UQCC1: variants seen among roughly 807,000 people sequenced by gnomAD.
UQCC1 encodes bFGF-repressed Zic-binding protein.
In UQCC1, 38 loss-of-function variants were observed where a neutral mutation model predicts 48.0. The observed-to-expected ratio is 0.79, with a 90% CI of 0.61 to 1.04. The LOEUF (loss-of-function observed/expected upper bound fraction) is 1.04. Ranked by LOEUF, UQCC1 falls within the 50% of genes least tolerant of loss-of-function variation. The pLI, the probability that UQCC1 is intolerant of heterozygous loss-of-function variation, is 0.00. For missense variants in UQCC1, 368 were observed against 381.8 expected (o/e 0.96, Z 0.30); for synonymous variants, 111 against 129.2 (o/e 0.86, Z 0.95).
intron 2 of UQCC1, among the ~76,000 whole-genome samples, chr20:35,392,019 C>T (rs2062019535): frequency 1.3e-5 from 2 of 152,172 alleles, no homozygotes; most frequent in Admixed American, 1.3e-4. Context: ...CAGCACTGGA[C>T]ATTACCTTAC....
In UQCC1 at chr20:35,382,576, G is replaced by C. The variant is rs567191944; in HGVS notation, c.226-551C>G. On this transcript the variant is annotated intron_variant, in intron 3 of 9. Transcript: ENST00000374385. Reference sequence around the variant, plus strand: ...CGCCCAGGCTGGAGTGCAGTGGCGAGATCTCGGCTCACTGCAAGCTCCGCC... The same window carrying C: ...CGCCCAGGCTGGAGTGCAGTGGCGACATCTCGGCTCACTGCAAGCTCCGCC... 1.7e-4 allele frequency among the ~76,000 whole-genome samples: 24 copies of C among 138,700 alleles called. No homozygotes were observed. In the Middle Eastern group the frequency reaches 0.016, roughly 90 times the overall value. 91.0% of individuals were successfully genotyped at this position (138,700 alleles called of 152,430 possible).
chr20:35,343,699 T>C (rs990210159), intron 7 of UQCC1, among the ~76,000 whole-genome samples: 1 of 152,182 alleles, frequency 6.6e-6, no homozygotes, highest in Non-Finnish European at 1.5e-5. Context: ...GGCACTTCTC[T>C]TCATGAAGGC....
At chr20:35,316,361 T>G (rs1452818679) in intron 7 of UQCC1, among the ~76,000 whole-genome samples, 1 of 152,144 alleles carries the variant, frequency 6.6e-6, no homozygotes. Context: ...TGATGCCTTG[T>G]GTCACACAGC....
intron 7 of UQCC1, among the ~76,000 whole-genome samples, chr20:35,322,256 T>C (rs181204536): frequency 4.6e-5 from 7 of 152,172 alleles, no homozygotes; most frequent in South Asian, 2.1e-4. Context: ...CTGGGTACTA[T>C]CTAAAATCCG....
At chr20:35,386,178 T>C in intron 2 of UQCC1, 1 of 349,812 alleles carries the variant, frequency 2.9e-6, no homozygotes, top group Non-Finnish European at 5.5e-6. Context: ...GTTATTTTGT[T>C]AAGTTAGAAT....
At chr20:35,410,704 C>CAAAAAATAAAAAAAAAAAAA (rs2062339810) in intron 1 of UQCC1, among the ~76,000 whole-genome samples, 1 of 2,710 alleles carries the variant, frequency 3.7e-4, no homozygotes, top group Non-Finnish European at 6.5e-4. Flanking sequence ...GACTCTGCCT[C>CAAAAAATAAAAAAAAAAAAA]AAAAAAAAAA....
intron 6 of UQCC1, among the ~76,000 whole-genome samples, chr20:35,354,652 C>T (rs1394090994): frequency 6.6e-6 from 1 of 151,686 alleles, no homozygotes; most frequent in Non-Finnish European, 1.5e-5. Context: ...ACCTTGGCCT[C>T]CCAAAGTGCT....
At chr20:35,363,364 A>G (rs1037618287) in intron 6 of UQCC1, among the ~76,000 whole-genome samples, 1 of 152,172 alleles carries the variant, frequency 6.6e-6, no homozygotes, top group African/African-American at 2.4e-5. Context: ...CTCTCTCAGC[A>G]TTTTTTCAGC....
At chr20:35,332,288 T>C (rs925392037) in intron 7 of UQCC1, among the ~76,000 whole-genome samples, 1 of 152,226 alleles carries the variant, frequency 6.6e-6, no homozygotes, top group African/African-American at 2.4e-5. Flanking sequence ...AAGGTAGGTG[T>C]GTCTTCCAAA....
chr20:35,398,192 T>C (rs1231525494), intron 1 of UQCC1, among the ~76,000 whole-genome samples: 1 of 152,160 alleles, frequency 6.6e-6, no homozygotes, highest in African/African-American at 2.4e-5. Flanking sequence ...TCTAACACTA[T>C]ATGACCTGGT....
intron 6 of UQCC1, among the ~76,000 whole-genome samples, chr20:35,359,378 C>T (rs1301897047): frequency 6.6e-6 from 1 of 152,226 alleles, no homozygotes; most frequent in Non-Finnish European, 1.5e-5. Flanking sequence ...CACCAAGAAC[C>T]TCTTCCTGCT....
chr20:35,324,689 G>T (rs1356242005), intron 7 of UQCC1, among the ~76,000 whole-genome samples: 1 of 152,188 alleles, frequency 6.6e-6, no homozygotes, highest in Non-Finnish European at 1.5e-5. Flanking sequence ...AGAAAAATAA[G>T]TATTGGCAAG....
intron 7 of UQCC1, among the ~76,000 whole-genome samples, chr20:35,324,096 T>C (rs1161292598): frequency 6.6e-6 from 1 of 152,138 alleles, no homozygotes; most frequent in Non-Finnish European, 1.5e-5. Flanking sequence ...TTCTAAAAAA[T>C]AAATAAATAA....
At chr20:35,332,907 A>G (rs528467262) in intron 7 of UQCC1, among the ~76,000 whole-genome samples, 9 of 152,320 alleles carry the variant, frequency 5.9e-5, no homozygotes, top group African/African-American at 1.7e-4. Context: ...TTTCAACCTA[A>G]TAAAACAACA....
intron 2 of UQCC1, among the ~76,000 whole-genome samples, chr20:35,391,207 A>C (rs2062010626): frequency 6.6e-6 from 1 of 152,142 alleles, no homozygotes; most frequent in African/African-American, 2.4e-5. Context: ...AAAATGAATA[A>C]AAAATAAAAG....
intron 4 of UQCC1, among the ~76,000 whole-genome samples, chr20:35,377,784 T>A (rs1361517588): frequency 6.6e-6 from 1 of 152,246 alleles, no homozygotes; most frequent in South Asian, 2.1e-4. Flanking sequence ...AAGGCCCAAG[T>A]CTTTCCTTGA....
At chr20:35,366,476 G>T (rs2146440071) in intron 6 of UQCC1, 81 bp downstream of exon 6, 2 of 1,194,644 alleles carry the variant, frequency 1.7e-6, no homozygotes, top group East Asian at 2.4e-5. Context: ...CATATAATCA[G>T]CCCTCCTGAA....
At chr20:35,411,408 C>G (rs2062362055) in intron 1 of UQCC1, among the ~76,000 whole-genome samples, 1 of 152,186 alleles carries the variant, frequency 6.6e-6, no homozygotes, top group Non-Finnish European at 1.5e-5. Context: ...CTCCAATTCT[C>G]ACGCAGCTTT....
At chr20:35,329,049 C>T (rs566068157) in intron 7 of UQCC1, among the ~76,000 whole-genome samples, 1 of 152,294 alleles carries the variant, frequency 6.6e-6, no homozygotes, top group Admixed American at 6.5e-5. Flanking sequence ...TAAAACCATA[C>T]AAATTAATAA....
Sources: gnomAD v4.1 joint callset for allele counts (sites outside exome capture counted in the v4.1 genomes callset) on GRCh38, gnomAD v4.1.1 for gene constraint, MANE v1.5 for transcripts, NCBI Gene and HGNC (gene_info 2026-07-23, HGNC 2026-07-21) for gene names.